The following BTRC variants were observed in gnomAD, a reference collection of about 807,000 sequenced individuals.
BTRC encodes beta-transducin repeat containing E3 ubiquitin protein ligase, also known as F-box/WD repeat-containing protein 1A.
BTRC carries 42 observed loss-of-function variants against 85.5 expected under a neutral mutation model. That is an observed-to-expected ratio of 0.49 (90% CI 0.38 to 0.64). BTRC has a LOEUF of 0.64. Among genes scored for constraint, BTRC ranks in the 30% least tolerant of loss-of-function variants. The pLI is 0.00. For missense variants in BTRC, 594 were observed against 743.5 expected, an observed-to-expected ratio of 0.80 and a Z score of 2.34; for synonymous variants, 255 against 263.3, an observed-to-expected ratio of 0.97 and a Z score of 0.30.
chr10:101,364,592 T>G (rs975835894), intron 1 of BTRC, among the ~76,000 whole-genome samples: 1 of 152,326 alleles, frequency 6.6e-6, no homozygotes, highest in South Asian at 2.1e-4. Context: ...ATGCTTTCAC[T>G]GAAAAGTCAT....
At chr10:101,452,184 G>A (rs1166565917) in intron 2 of BTRC, among the ~76,000 whole-genome samples, 2 of 152,200 alleles carry the variant, frequency 1.3e-5, no homozygotes, top group Non-Finnish European at 2.9e-5. Context: ...AATCTGAGGT[G>A]TAGAAGACCA....
At chr10:101,474,914 A>G (rs1945636813) in intron 3 of BTRC, among the ~76,000 whole-genome samples, 1 of 152,218 alleles carries the variant, frequency 6.6e-6, no homozygotes, top group South Asian at 2.1e-4. Context: ...TTTATCTGAT[A>G]CAAACATTTC....
chr10:101,421,694 T>G (rs1411956885), intron 1 of BTRC, among the ~76,000 whole-genome samples: 2 of 143,442 alleles, frequency 1.4e-5, no homozygotes, highest in Non-Finnish European at 3.0e-5. Flanking sequence ...CATTGTTCAA[T>G]TCCCACCAAG....
At chr10:101,441,145 A>AGGATTTCTACAGGTTTGTTTTC in intron 2 of BTRC, among the ~76,000 whole-genome samples, 1 of 152,204 alleles carries the variant, frequency 6.6e-6, no homozygotes, top group Admixed American at 6.5e-5. Context: ...GATGAATGAA[A>AGGATTTCTACAGGTTTGTTTTC]ACAAACCATT....
At chr10:101,391,195 G>A (rs1943228890) in intron 1 of BTRC, among the ~76,000 whole-genome samples, 1 of 152,138 alleles carries the variant, frequency 6.6e-6, no homozygotes, top group African/African-American at 2.4e-5. Context: ...CCCTTAAGCA[G>A]TTATATTAGG....
intron 2 of BTRC, among the ~76,000 whole-genome samples, chr10:101,450,621 A>G (rs1175638017): frequency 6.6e-6 from 1 of 152,178 alleles, no homozygotes; most frequent in African/African-American, 2.4e-5. Flanking sequence ...AGCCCATGTC[A>G]CTGTAATAGG....
intron 13 of BTRC, among the ~76,000 whole-genome samples, chr10:101,545,415 A>G (rs1019720408): frequency 6.6e-6 from 1 of 152,266 alleles, no homozygotes; most frequent in African/African-American, 2.4e-5. Context: ...CACATGTTAT[A>G]GGCTGAATTG....
At chr10:101,552,884 G>T (rs561360415) in intron 14 of BTRC, among the ~76,000 whole-genome samples, 25 of 152,214 alleles carry the variant, frequency 1.6e-4, no homozygotes, top group African/African-American at 5.5e-4. Flanking sequence ...TATGCCAACC[G>T]TGGGCACTCT....
chr10:101,485,592 T>A (rs1945962006), intron 4 of BTRC, among the ~76,000 whole-genome samples: 1 of 152,254 alleles, frequency 6.6e-6, no homozygotes, highest in African/African-American at 2.4e-5. Context: ...TCTTTTGAAC[T>A]ACCGTGTTTC....
chr10:101,461,266 CAAAT>C (rs1025313629), intron 2 of BTRC, among the ~76,000 whole-genome samples: 4 of 152,066 alleles, frequency 2.6e-5, no homozygotes, highest in Non-Finnish European at 4.4e-5. Context: ...AAATGGAACT[CAAAT>C]AATATGTAAT....
At chr10:101,464,014 A>G (rs983645811) in intron 3 of BTRC, among the ~76,000 whole-genome samples, 3 of 152,118 alleles carry the variant, frequency 2.0e-5, no homozygotes, top group Non-Finnish European at 2.9e-5. Context: ...TACAATTTTA[A>G]CTGTTTGGAG....
intron 8 of BTRC, among the ~76,000 whole-genome samples, 158 bp downstream of exon 8, chr10:101,532,590 C>G (rs2062301915): frequency 6.6e-6 from 1 of 152,134 alleles, no homozygotes; most frequent in South Asian, 2.1e-4. Context: ...CCTTAAAGGA[C>G]AGACATCAGC....
chr10:101,460,395 G>A (rs1471836452), intron 2 of BTRC, among the ~76,000 whole-genome samples: 2 of 152,236 alleles, frequency 1.3e-5, no homozygotes, highest in East Asian at 3.9e-4. Flanking sequence ...TTTGGTAGAT[G>A]ATCTCCATTC....
At chr10:101,415,244 C>T (rs965517801) in intron 1 of BTRC, among the ~76,000 whole-genome samples, 5 of 150,732 alleles carry the variant, frequency 3.3e-5, no homozygotes, top group South Asian at 2.1e-4. Flanking sequence ...GGTGAGATCT[C>T]GGCTTACTTC....
intron 6 of BTRC, among the ~76,000 whole-genome samples, chr10:101,529,632 C>T (rs1416475652): frequency 1.3e-5 from 2 of 152,098 alleles, no homozygotes; most frequent in Admixed American, 1.3e-4. Context: ...TATCATGTTT[C>T]ATTAATCCCC....
intron 2 of BTRC, among the ~76,000 whole-genome samples, chr10:101,442,760 GT>G (rs1188804158): frequency 6.6e-6 from 1 of 151,792 alleles, no homozygotes. Context: ...TACAGGGCTT[GT>G]TCATATTTTT....
At chr10:101,537,892 G>A (rs951337641) in intron 12 of BTRC, among the ~76,000 whole-genome samples, 3 of 152,136 alleles carry the variant, frequency 2.0e-5, no homozygotes, top group African/African-American at 7.2e-5. Context: ...AAGATTTTTG[G>A]AAGAGCTACA....
chr10:101,371,051 A>G (rs1942620898), intron 1 of BTRC, among the ~76,000 whole-genome samples: 1 of 152,208 alleles, frequency 6.6e-6, no homozygotes. Flanking sequence ...GTATATTCAC[A>G]CTGTTTTGCA....
chr10:101,454,273 C>T (rs992489737), intron 2 of BTRC, among the ~76,000 whole-genome samples: 6 of 152,074 alleles, frequency 3.9e-5, no homozygotes, highest in African/African-American at 9.7e-5. Flanking sequence ...ACTGGTTAGT[C>T]GAAAGTAACA....
Sources: allele counts gnomAD v4.1 joint callset (sites outside exome capture counted in the v4.1 genomes callset), GRCh38; gene constraint gnomAD v4.1.1; transcripts MANE v1.5; gene names NCBI Gene and HGNC (gene_info 2026-07-23, HGNC 2026-07-21).